Variants in IFT122 observed in about 807,000 individuals in gnomAD.
The protein encoded by IFT122 is intraflagellar transport 122.
Under a neutral mutation model 161.6 loss-of-function variants are expected in IFT122, and 118 were observed. The ratio of observed to expected loss-of-function variants is 0.73; its 90% CI spans 0.63 to 0.85. IFT122 has a LOEUF of 0.85. Ranked by LOEUF, IFT122 falls within the 40% of genes least tolerant of loss-of-function variation. The pLI is 0.00. For synonymous variants in IFT122, 550 were observed against 602.4 expected (o/e 0.91, Z 1.27); for missense variants, 1,381 against 1,579.6 (o/e 0.87, Z 2.13).
chr3:129,494,908 T>C (rs1235959801), intron 17 of IFT122, among the ~76,000 whole-genome samples: 1 of 152,206 alleles, frequency 6.6e-6, no homozygotes, highest in Non-Finnish European at 1.5e-5. Context: ...GGGCCATGTG[T>C]GTATAAAGTA....
chr3:129,476,963 G>GTGGGGGA (rs2078027971), intron 11 of IFT122, among the ~76,000 whole-genome samples, 162 bp downstream of exon 11: 1 of 142,482 alleles, frequency 7.0e-6, no homozygotes, highest in Non-Finnish European at 1.5e-5. Context: ...TTTTTTTTTG[G>GTGGGGGA]TGGGGGAAGT....
At chr3:129,497,866 T>C (rs1041421539) in intron 18 of IFT122, among the ~76,000 whole-genome samples, 6 of 152,222 alleles carry the variant, frequency 3.9e-5, no homozygotes, top group African/African-American at 1.4e-4. Context: ...CAAGATTCAA[T>C]CTGGTTTTCA....
intron 4 of IFT122, among the ~76,000 whole-genome samples, chr3:129,460,075 A>G (rs763191434): frequency 6.6e-6 from 1 of 152,132 alleles, no homozygotes; most frequent in Non-Finnish European, 1.5e-5. Context: ...TAAAATATAC[A>G]TGACATAAAA....
intron 4 of IFT122, among the ~76,000 whole-genome samples, chr3:129,460,659 T>G (rs1440939431): frequency 6.6e-6 from 1 of 152,216 alleles, no homozygotes; most frequent in Non-Finnish European, 1.5e-5. Flanking sequence ...CTTCTGCTTC[T>G]TAGCTATTAT....
At chr3:129,502,919 C>A in intron 20 of IFT122, 37 bp downstream of exon 20, 1 of 1,600,238 alleles carries the variant, frequency 6.2e-7, no homozygotes. Flanking sequence ...TGGGGCCCCA[C>A]CTGAGCCCTG....
chr3:129,461,477 A>T, intron 5 of IFT122, 173 bp downstream of exon 5: 1 of 672,444 alleles, frequency 1.5e-6, no homozygotes, highest in Non-Finnish European at 2.7e-6. Context: ...GGAAACCAAG[A>T]CAGTGAATGG....
At position 129,520,299 on chromosome 3, in the gene IFT122, C is replaced by T. The variant is rs761505271; in HGVS notation, c.*34C>T. 9 of 1,498,784 alleles carry T rather than the reference C, an allele frequency of 6.0e-6. No individual in the cohort carries two copies. Among genetic ancestry groups the T allele is most frequent in the East Asian group, 4.5e-5 (2 of 44,218 alleles). 92.8% of individuals were successfully genotyped at this position (1,498,784 alleles called of 1,614,324 possible). On this transcript the variant is annotated 3_prime_UTR_variant, in exon 30 of 30. Coordinates refer to ENST00000348417, the MANE Select transcript of IFT122 (RefSeq NM_052989.3). ...CTGGGGACGGCCTGCACCCTCTGCC[C>T]GCCTTGGGGTCTGCTGGGCTGTGAA... is the stretch of plus-strand genomic sequence containing the variant.
intron 3 of IFT122, among the ~76,000 whole-genome samples, chr3:129,453,189 G>A (rs891799226): frequency 6.6e-6 from 1 of 152,124 alleles, no homozygotes; most frequent in Non-Finnish European, 1.5e-5. Flanking sequence ...GGGCATAGAC[G>A]GGGTATTTGC....
intron 1 of IFT122, among the ~76,000 whole-genome samples, chr3:129,442,102 A>C (rs2107799520): frequency 6.6e-6 from 1 of 152,302 alleles, no homozygotes; most frequent in South Asian, 2.1e-4. Flanking sequence ...ACTCTGAAAA[A>C]AAAACAAAAC....
chr3:129,496,435 A>G (rs191815269), intron 18 of IFT122, among the ~76,000 whole-genome samples: 6 of 152,266 alleles, frequency 3.9e-5, no homozygotes, highest in Middle Eastern at 3.4e-3. Context: ...CCTTTTCTGG[A>G]AGTGTCAAAA....
chr3:129,474,549 G>A (rs1166165734), intron 9 of IFT122, among the ~76,000 whole-genome samples: 1 of 152,148 alleles, frequency 6.6e-6, no homozygotes, highest in Non-Finnish European at 1.5e-5. Context: ...GATGGGGATT[G>A]GAGATGTTCC....
chr3:129,495,473 A>C lies in IFT122; in HGVS notation c.2074A>C (p.Asn692His). Residue 692 changes from asparagine to histidine, a missense_variant, in exon 18 of 30, where the codon AAT (asparagine) becomes CAT (histidine). Asn to His is a moderately conservative substitution (Grantham distance 68, BLOSUM62 1). Transcript: ENST00000348417. ...GAGGAAGAAGCGGGGAGAGACCAAC[A>C]ATGACCTGTTTCTGGCAGATGTGTT... is the stretch of plus-strand genomic sequence containing the variant. ...EERKKRGETN[N>H]DLFLADVFSY... The C allele has an allele frequency of 6.2e-7, 1 of 1,614,166 alleles. No individual in the cohort carries two copies. The highest frequency in any genetic ancestry group is 8.5e-7 in the Non-Finnish European group (1 of 1,180,014).
chr3:129,519,832 A>T, intron 29 of IFT122, 100 bp downstream of exon 29: 1 of 1,379,244 alleles, frequency 7.3e-7, no homozygotes, highest in Middle Eastern at 1.8e-4. Context: ...GGAGGGGCAC[A>T]TCCATGGCTC....
At chr3:129,440,775 T>C (rs2072926481) in intron 1 of IFT122, among the ~76,000 whole-genome samples, 1 of 152,268 alleles carries the variant, frequency 6.6e-6, no homozygotes, top group African/African-American at 2.4e-5. Flanking sequence ...AATTATGATT[T>C]CACATTTTAC....
chr3:129,495,612 C>A lies in IFT122; in HGVS notation c.2208+5C>A. ...TGCATGTTTGAGTATGCCAAGGTAA[C>A]CTACCCTGTCCCAGGCCCAAGCTCC... is the stretch of plus-strand genomic sequence containing the variant. On this transcript the variant is annotated splice_donor_5th_base_variant and intron_variant, in intron 18 of 29. Coordinates refer to ENST00000348417, the MANE Select transcript of IFT122 (RefSeq NM_052989.3). 1 of 1,614,124 alleles carries A rather than the reference C, an allele frequency of 6.2e-7. No homozygotes were observed. The highest frequency in any genetic ancestry group is 8.5e-7 in the Non-Finnish European group (1 of 1,179,992).
intron 18 of IFT122, among the ~76,000 whole-genome samples, chr3:129,496,757 CT>C (rs2080899264): frequency 6.6e-6 from 1 of 152,304 alleles, no homozygotes; most frequent in Non-Finnish European, 1.5e-5. Context: ...CAGGCTCCCT[CT>C]ACTTTTTCCT....
intron 11 of IFT122, 51 bp downstream of exon 11, chr3:129,476,852 A>G: frequency 1.9e-6 from 3 of 1,611,940 alleles, no homozygotes; most frequent in Non-Finnish European, 2.5e-6. Flanking sequence ...AAGCAGGTGG[A>G]AAGGGCTGGT....
intron 7 of IFT122, among the ~76,000 whole-genome samples, chr3:129,466,474 CTTTTA>C (rs1396281813): frequency 1.4e-5 from 2 of 144,204 alleles, no homozygotes; most frequent in Non-Finnish European, 3.1e-5. Context: ...TCAGAGGCTC[CTTTTA>C]TTTTTTATTT....
At chr3:129,452,823 G>A (rs990518230) in intron 3 of IFT122, among the ~76,000 whole-genome samples, 2 of 151,488 alleles carry the variant, frequency 1.3e-5, no homozygotes, top group African/African-American at 4.8e-5. Context: ...GGACATCTGT[G>A]TGAGGAAGCA....
Sources: gnomAD v4.1 joint callset for allele counts (sites outside exome capture counted in the v4.1 genomes callset) on GRCh38, gnomAD v4.1.1 for gene constraint, MANE v1.5 for transcripts, NCBI Gene and HGNC (gene_info 2026-07-23, HGNC 2026-07-21) for gene names.